Variants in GLIS3 observed in about 807,000 individuals in gnomAD.
GLIS3 encodes GLIS family zinc finger 3.
A neutral mutation model predicts 78.6 loss-of-function variants in GLIS3; 53 were observed. The ratio of observed to expected loss-of-function variants is 0.67; its 90% CI spans 0.54 to 0.85. The LOEUF (loss-of-function observed/expected upper bound fraction) is 0.85, where lower values mean the gene tolerates loss of function less well. Ranked by LOEUF, GLIS3 falls within the 40% of genes least tolerant of loss-of-function variation. The pLI is 0.00. For missense variants in GLIS3, 1,703 were observed against 1,231.1 expected (o/e 1.38, Z -5.74); for synonymous variants, 684 against 509.9 (o/e 1.34, Z -4.60).
At chr9:4,072,858 C>A (rs1239463446) in intron 4 of GLIS3, among the ~76,000 whole-genome samples, 2 of 152,066 alleles carry the variant, frequency 1.3e-5, no homozygotes, top group East Asian at 1.9e-4. Context: ...AACAGCCTAA[C>A]CGAGTCATAC....
At chr9:4,254,854 A>G (rs900272443) in intron 2 of GLIS3, among the ~76,000 whole-genome samples, 13 of 151,938 alleles carry the variant, frequency 8.6e-5, no homozygotes, top group Non-Finnish European at 1.8e-4. Context: ...AAAAAAAAAA[A>G]AGAAAAAAAG....
chr9:3,856,945 G>A lies in GLIS3; in HGVS notation c.2298-761C>T, dbSNP rs1183030594. Reference sequence around the variant, plus strand: ...AACCTGGGATATGAAATGGATGATTGTACATTGATCTTCCAATTGTGAAGG... The same window carrying A: ...AACCTGGGATATGAAATGGATGATTATACATTGATCTTCCAATTGTGAAGG... On this transcript the variant is annotated intron_variant, in intron 8 of 10. Transcript: ENST00000381971. Among the ~76,000 whole-genome samples, 3 of 152,172 alleles carry A rather than the reference G, an allele frequency of 2.0e-5. No individual in the cohort carries two copies. The East Asian group carries it at 5.8e-4, about 29-fold the overall frequency.
the GLIS3 span, among the ~76,000 whole-genome samples, chr9:4,476,592 C>G: frequency 2.0e-5 from 3 of 152,052 alleles, no homozygotes; most frequent in African/African-American, 4.8e-5. Flanking sequence ...GAACTCCTGA[C>G]CTCAGGTGAT....
At chr9:4,425,766 C>G in the GLIS3 span, among the ~76,000 whole-genome samples, 1 of 152,290 alleles carries the variant, frequency 6.6e-6, no homozygotes, top group South Asian at 2.1e-4. Context: ...AGCAGGGTAG[C>G]CTGCAATCCC....
chr9:3,971,270 T>C (rs936575731), intron 4 of GLIS3, among the ~76,000 whole-genome samples: 4 of 152,156 alleles, frequency 2.6e-5, no homozygotes, highest in Admixed American at 2.0e-4. Flanking sequence ...CACTACACAC[T>C]TTCTGCCTAT....
rs562538134 is a variant in GLIS3 at position 4,192,557 on chromosome 9, G to A, written c.389-66616C>T. On this transcript the variant is annotated intron_variant, in intron 2 of 10. Coordinates refer to ENST00000381971, the MANE Select transcript of GLIS3 (RefSeq NM_001042413.2). ...TGTGAACTCACCAACAGCTTGGTCA[G>A]GGTTATTAGCAAAATATCAAAATTG... 5.3e-4 allele frequency among the ~76,000 whole-genome samples: 81 copies of A among 152,326 alleles called. 2 individuals are homozygous for A. The South Asian group carries it at 9.5e-3, about 18-fold the overall frequency.
chr9:4,023,269 T>C lies in GLIS3; in HGVS notation c.1711-86080A>G, dbSNP rs564871323. ...AGTTCCTGGTACTCAAGAACAAATTTTCCTTTTTAGTTTAAGTCCTGTGCA... is the reference window on the plus strand; with the variant it reads ...AGTTCCTGGTACTCAAGAACAAATTCTCCTTTTTAGTTTAAGTCCTGTGCA... On this transcript the variant is annotated intron_variant, in intron 4 of 10. Transcript: ENST00000381971. Among the ~76,000 whole-genome samples, 5 of 152,306 alleles carry C rather than the reference T, an allele frequency of 3.3e-5. No individual in the cohort carries two copies. In the East Asian group the frequency reaches 5.8e-4, roughly 18 times the overall value.
At chr9:3,854,543 CT>C (rs34558832) in intron 9 of GLIS3, among the ~76,000 whole-genome samples, 2 of 145,616 alleles carry the variant, frequency 1.4e-5, no homozygotes, top group African/African-American at 5.1e-5. Context: ...CGTTGATGTT[CT>C]TTTTTTTTTT....
chr9:3,826,705 C>G lies in GLIS3; in HGVS notation c.*1567G>C, dbSNP rs1436206899. 1 of 152,220 alleles carries G rather than the reference C, an allele frequency of 6.6e-6. No individual in the cohort carries two copies. Among genetic ancestry groups the G allele is most frequent in the African/African-American group, 2.4e-5 (1 of 41,458 alleles). The allele number at this position is 152,220 out of a possible 1,614,324, so 9.4% of individuals were successfully genotyped here. On this transcript the variant is annotated 3_prime_UTR_variant, in exon 11 of 11. Coordinates refer to ENST00000381971, the MANE Select transcript of GLIS3 (RefSeq NM_001042413.2). Reference sequence around the variant, plus strand: ...GAGACTGGAAGGACCTGTCAGTATACAAACTGTCACAGAATCCCATCTAAC... The same window carrying G: ...GAGACTGGAAGGACCTGTCAGTATAGAAACTGTCACAGAATCCCATCTAAC...
chr9:3,909,171 C>A (rs367581584), intron 6 of GLIS3, among the ~76,000 whole-genome samples: 70 of 152,340 alleles, frequency 4.6e-4, no homozygotes, highest in African/African-American at 1.7e-3. Context: ...CTAGAACATT[C>A]TCATCAAGTG....
chr9:4,023,955 G>C (rs73388298), intron 4 of GLIS3, among the ~76,000 whole-genome samples: 1 of 151,942 alleles, frequency 6.6e-6, no homozygotes, highest in African/African-American at 2.4e-5. Context: ...TGTCAAACAA[G>C]GGTGGTGAAT....
At chr9:4,247,649 C>T (rs1348711306) in intron 2 of GLIS3, among the ~76,000 whole-genome samples, 1 of 151,812 alleles carries the variant, frequency 6.6e-6, no homozygotes, top group Non-Finnish European at 1.5e-5. Flanking sequence ...ACAGACAATT[C>T]AGTAAGATAA....
chr9:4,085,054 A>C lies in GLIS3; in HGVS notation c.1710+32714T>G, dbSNP rs147153000. On this transcript the variant is annotated intron_variant, in intron 4 of 10. Transcript: ENST00000381971. ...GATCTTGTTAGTGTTTATACATAAA[A>C]TTATATACTCAACAGAAACAACAAA... Among the ~76,000 whole-genome samples, 29 of 152,172 alleles carry C rather than the reference A, an allele frequency of 1.9e-4. No homozygotes were observed. The East Asian group carries it at 5.0e-3, about 26-fold the overall frequency.
the GLIS3 span, among the ~76,000 whole-genome samples, chr9:4,387,203 C>A: frequency 2.0e-5 from 3 of 152,290 alleles, no homozygotes; most frequent in East Asian, 5.8e-4. Context: ...AATCTCTGTG[C>A]TTCCTTAAAG....
At chr9:4,134,365 T>G (rs1833233284) in intron 2 of GLIS3, among the ~76,000 whole-genome samples, 1 of 152,204 alleles carries the variant, frequency 6.6e-6, no homozygotes, top group African/African-American at 2.4e-5. Context: ...GTCTTACACC[T>G]CCTTCAAAAG....
Position 3,898,818 on chromosome 9 carries a change from C to G in GLIS3, c.2001G>C (p.Glu667Asp), listed in dbSNP as rs1251010108. The G allele has an allele frequency of 1.9e-6, 3 of 1,614,162 alleles. No homozygotes were observed. The highest frequency in any genetic ancestry group is 2.2e-5 in the South Asian group (2 of 91,082). Residue 667 changes from glutamate to aspartate, a missense_variant, in exon 7 of 11, where the codon GAG becomes GAC. Glu to Asp is a conservative substitution (Grantham distance 45). Coordinates refer to ENST00000381971, the MANE Select transcript of GLIS3 (RefSeq NM_001042413.2). Reference sequence around the variant, plus strand: ...AATCTGTGAGCAGGTCTGGATGGAGCTCTGTGCTGGACCGCAACTAAGAGG... The same window carrying G: ...AATCTGTGAGCAGGTCTGGATGGAGGTCTGTGCTGGACCGCAACTAAGAGG... Reference protein sequence around the residue: ...QARKKLRSSTELHPDLLTDCL... With the variant: ...QARKKLRSSTDLHPDLLTDCL...
chr9:4,451,638 G>A, the GLIS3 span, among the ~76,000 whole-genome samples: 19 of 151,912 alleles, frequency 1.3e-4, no homozygotes, highest in Admixed American at 5.9e-4. Flanking sequence ...ACAAAATCAC[G>A]ACAAACTGTC....
At chr9:4,191,046 A>T (rs1392304673) in intron 2 of GLIS3, among the ~76,000 whole-genome samples, 1 of 152,034 alleles carries the variant, frequency 6.6e-6, no homozygotes, top group Admixed American at 6.6e-5. Flanking sequence ...CTAAACATGG[A>T]AAGGAACAAC....
intron 4 of GLIS3, among the ~76,000 whole-genome samples, chr9:4,099,726 T>C (rs1830223811): frequency 6.6e-6 from 1 of 152,218 alleles, no homozygotes. Flanking sequence ...GGTTTCTGTT[T>C]TGCAGGATAC....
Sources: gnomAD v4.1 joint callset for allele counts (sites outside exome capture counted in the v4.1 genomes callset) on GRCh38, gnomAD v4.1.1 for gene constraint, MANE v1.5 for transcripts, NCBI Gene and HGNC (gene_info 2026-07-23, HGNC 2026-07-21) for gene names.